The following PCDH15 variants were observed in gnomAD, a reference collection of about 807,000 sequenced individuals.
PCDH15 encodes protocadherin related 15, also known as protocadherin-15.
In PCDH15, 129 loss-of-function variants were observed where a neutral mutation model predicts 178.5. That is an observed-to-expected ratio of 0.72 (90% CI 0.63 to 0.84). PCDH15 has a LOEUF of 0.84. Ranked by LOEUF, PCDH15 falls within the 40% of genes least tolerant of loss-of-function variation. PCDH15 has a pLI of 0.00. For missense variants in PCDH15, 2,230 were observed against 2,099.9 expected (o/e 1.06, Z -1.21); for synonymous variants, 800 against 732.0 (o/e 1.09, Z -1.50).
At chr10:55,262,751 A>ATGTG (rs1365008982) in intron 1 of PCDH15, among the ~76,000 whole-genome samples, 1 of 152,160 alleles carries the variant, frequency 6.6e-6, no homozygotes, top group East Asian at 1.9e-4. Context: ...CTCCAAGCCC[A>ATGTG]TGTGTGGCCT....
intron 4 of PCDH15, 101 bp downstream of exon 4, chr10:54,378,681 A>G: frequency 1.5e-6 from 2 of 1,340,910 alleles, no homozygotes; most frequent in Non-Finnish European, 2.1e-6. Context: ...CAGGAAATAA[A>G]CTCAAATTAT....
At chr10:53,884,979 A>G (rs1242760899) in intron 26 of PCDH15, among the ~76,000 whole-genome samples, 2 of 152,180 alleles carry the variant, frequency 1.3e-5, no homozygotes, top group Non-Finnish European at 2.9e-5. Context: ...TCATGCTGTG[A>G]TTCATTAATG....
At chr10:55,525,720 T>G (rs1343792587) in intron 2 of PCDH15, among the ~76,000 whole-genome samples, 1 of 151,896 alleles carries the variant, frequency 6.6e-6, no homozygotes, top group East Asian at 1.9e-4. Context: ...TTTCTTGAAC[T>G]GAAATACATT....
At chr10:55,262,713 T>A (rs1842177935) in intron 1 of PCDH15, among the ~76,000 whole-genome samples, 1 of 152,142 alleles carries the variant, frequency 6.6e-6, no homozygotes, top group Non-Finnish European at 1.5e-5. Flanking sequence ...TGAGAGCTAC[T>A]TTCACTCAAC....
At chr10:54,973,713 C>T (rs1838992520) in intron 2 of PCDH15, among the ~76,000 whole-genome samples, 1 of 152,096 alleles carries the variant, frequency 6.6e-6, no homozygotes, top group Admixed American at 6.5e-5. Context: ...GTAAGGCTTA[C>T]TGACATCATG....
chr10:54,065,278 C>T (rs1054396331), intron 18 of PCDH15, among the ~76,000 whole-genome samples: 1 of 152,164 alleles, frequency 6.6e-6, no homozygotes, highest in Non-Finnish European at 1.5e-5. Context: ...CATGAGTTTG[C>T]ATCTTTTTCT....
intron 1 of PCDH15, among the ~76,000 whole-genome samples, chr10:54,779,167 T>C (rs891122730): frequency 3.3e-5 from 5 of 151,734 alleles, no homozygotes; most frequent in African/African-American, 1.2e-4. Flanking sequence ...AATATATTCA[T>C]GAGTCAAAAT....
At chr10:54,720,152 T>C (rs1001337729) in intron 1 of PCDH15, among the ~76,000 whole-genome samples, 3 of 152,090 alleles carry the variant, frequency 2.0e-5, no homozygotes, top group Admixed American at 6.6e-5. Context: ...TTCAAGGATA[T>C]AGAACCAGAA....
chr10:54,331,836 G>A (rs1939661002), intron 6 of PCDH15, among the ~76,000 whole-genome samples: 1 of 151,926 alleles, frequency 6.6e-6, no homozygotes, highest in Non-Finnish European at 1.5e-5. Flanking sequence ...TAAATGAGAT[G>A]AGTCTTGAAT....
chr10:53,824,365 A>ATTTATT (rs1478921266), intron 32 of PCDH15, among the ~76,000 whole-genome samples: 15 of 152,166 alleles, frequency 9.9e-5, no homozygotes, highest in African/African-American at 3.1e-4. Context: ...ACAGAATAAC[A>ATTTATT]TTTATTTTAG....
rs1204291620 is a variant in PCDH15, at chr10:54,687,243, C to T, written c.-28-22953G>A. Among the ~76,000 whole-genome samples the T allele has an allele frequency of 4.6e-5, 7 of 152,096 alleles. No homozygotes were observed. In the South Asian group the frequency reaches 6.2e-4, roughly 14 times the overall value. On this transcript the variant is annotated intron_variant, in intron 1 of 37. Coordinates refer to ENST00000644397, the MANE Select transcript of PCDH15 (RefSeq NM_001384140.1). ...GGTGCAGCCACTATAGAAATCACTACGGAGGTTTCTAAAAAAATTTAAAAA... is the reference window on the plus strand; with the variant it reads ...GGTGCAGCCACTATAGAAATCACTATGGAGGTTTCTAAAAAAATTTAAAAA...
chr10:54,968,000 A>G (rs570092288), intron 2 of PCDH15, among the ~76,000 whole-genome samples: 29 of 152,266 alleles, frequency 1.9e-4, no homozygotes, highest in African/African-American at 5.8e-4. Flanking sequence ...AAATACAGTC[A>G]GACTCTAAGG....
chr10:54,089,876 G>T, intron 16 of PCDH15, 108 bp downstream of exon 16: 1 of 820,068 alleles, frequency 1.2e-6, no homozygotes, highest in East Asian at 2.5e-5. Flanking sequence ...AAAACAGAAA[G>T]GGAAGTACAA....
chr10:54,666,883 T>C (rs1349035138), intron 1 of PCDH15, among the ~76,000 whole-genome samples: 1 of 151,994 alleles, frequency 6.6e-6, no homozygotes, highest in Admixed American at 6.6e-5. Flanking sequence ...TATTCCTAAC[T>C]GAAGCTAATT....
intron 2 of PCDH15, among the ~76,000 whole-genome samples, chr10:54,611,695 T>C (rs2092966649): frequency 6.6e-6 from 1 of 151,838 alleles, no homozygotes; most frequent in African/African-American, 2.4e-5. Flanking sequence ...ACTCTGCATT[T>C]AATCAAGGCA....
At chr10:54,528,406 G>T (rs1444385959) in intron 2 of PCDH15, 1 of 1,574,434 alleles carries the variant, frequency 6.4e-7, no homozygotes. Context: ...TGCCAGTCTG[G>T]AGTCAAAAGT....
At chr10:55,214,801 A>G (rs901514297) in intron 1 of PCDH15, among the ~76,000 whole-genome samples, 1 of 151,910 alleles carries the variant, frequency 6.6e-6, no homozygotes, top group African/African-American at 2.4e-5. Flanking sequence ...CTGTTTAACC[A>G]GTCTGTAGTA....
chr10:55,223,218 T>C (rs1840934327), intron 1 of PCDH15, among the ~76,000 whole-genome samples: 1 of 152,136 alleles, frequency 6.6e-6, no homozygotes, highest in African/African-American at 2.4e-5. Context: ...CATTAGATAA[T>C]GAAGATTTAA....
At chr10:54,522,447 T>C (rs1281459891) in intron 3 of PCDH15, among the ~76,000 whole-genome samples, 1 of 152,378 alleles carries the variant, frequency 6.6e-6, no homozygotes, top group East Asian at 1.9e-4. Context: ...CTGTCTATAA[T>C]GTAAATTCCC....
Sources: gnomAD v4.1 joint callset for allele counts (sites outside exome capture counted in the v4.1 genomes callset) on GRCh38, gnomAD v4.1.1 for gene constraint, MANE v1.5 for transcripts, NCBI Gene and HGNC (gene_info 2026-07-23, HGNC 2026-07-21) for gene names.